The following TMEM53 variants were observed in gnomAD, a reference collection of about 807,000 sequenced individuals.
TMEM53 encodes transmembrane protein 53.
In TMEM53, 14 loss-of-function variants were observed where a neutral mutation model predicts 21.4. The ratio of observed to expected loss-of-function variants is 0.65; its 90% CI spans 0.43 to 1.02. TMEM53 has a LOEUF of 1.02. Among genes scored for constraint, TMEM53 ranks in the 50% least tolerant of loss-of-function variants. The pLI, the probability that TMEM53 is intolerant of heterozygous loss-of-function variation, is 0.00. For synonymous variants in TMEM53, 148 were observed against 157.4 expected, an observed-to-expected ratio of 0.94 and a Z score of 0.45; for missense variants, 323 against 383.6, an observed-to-expected ratio of 0.84 and a Z score of 1.32.
At chr1:44,669,710 G>A (rs1402985819) in intron 1 of TMEM53, among the ~76,000 whole-genome samples, 1 of 152,094 alleles carries the variant, frequency 6.6e-6, no homozygotes, top group East Asian at 1.9e-4. Flanking sequence ...CAGAGAAAAG[G>A]AGGCCTGCAA....
intron 1 of TMEM53, among the ~76,000 whole-genome samples, chr1:44,672,064 T>G (rs1440283749): frequency 6.6e-6 from 1 of 152,264 alleles, no homozygotes; most frequent in Non-Finnish European, 1.5e-5. Context: ...TCAGGCCATG[T>G]TGGCCTGGAG....
intron 1 of TMEM53, among the ~76,000 whole-genome samples, chr1:44,660,959 T>C (rs1644896364): frequency 6.8e-6 from 1 of 146,448 alleles, no homozygotes; most frequent in Non-Finnish European, 1.5e-5. Flanking sequence ...GGCAACAGAG[T>C]GAGACTCTGT....
chr1:44,671,801 T>C (rs954943823), intron 1 of TMEM53, among the ~76,000 whole-genome samples: 2 of 152,040 alleles, frequency 1.3e-5, no homozygotes, highest in Non-Finnish European at 2.9e-5. Flanking sequence ...TGGTGGCGGG[T>C]GCCTGTAGTC....
intron 2 of TMEM53, among the ~76,000 whole-genome samples, chr1:44,659,454 A>G (rs1453324344): frequency 6.6e-6 from 1 of 152,226 alleles, no homozygotes; most frequent in Non-Finnish European, 1.5e-5. Flanking sequence ...CTCTGCAGTT[A>G]CCACAGTCTC....
At chr1:44,657,254 T>C (rs1340684064) in intron 2 of TMEM53, among the ~76,000 whole-genome samples, 1 of 151,678 alleles carries the variant, frequency 6.6e-6, no homozygotes, top group Non-Finnish European at 1.5e-5. Flanking sequence ...AGAAACAAAA[T>C]AACTAGATGC....
At chr1:44,664,944 G>A (rs537758206) in intron 1 of TMEM53, among the ~76,000 whole-genome samples, 2 of 152,036 alleles carry the variant, frequency 1.3e-5, no homozygotes, top group East Asian at 1.9e-4. Context: ...CCACCACCGC[G>A]ACCTTGCACT....
At chr1:44,664,307 C>T (rs940894584) in intron 1 of TMEM53, among the ~76,000 whole-genome samples, 3 of 151,580 alleles carry the variant, frequency 2.0e-5, no homozygotes, top group African/African-American at 4.9e-5. Context: ...AAAAATCAGC[C>T]GGACGTGGTG....
chr1:44,654,711 T>C lies in TMEM53; in HGVS notation c.682A>G (p.Ile228Val). 1.2e-6 allele frequency: 2 copies of C among 1,614,134 alleles called. No individual in the cohort carries two copies. Among genetic ancestry groups the C allele is most frequent in the Non-Finnish European group, 1.7e-6 (2 of 1,180,024 alleles). Residue 228 changes from isoleucine (I) to valine (V), a missense_variant, in exon 3 of 3, where the codon ATA becomes GTA. Ile to Val is a conservative substitution (Grantham distance 29, BLOSUM62 3). Transcript: ENST00000372237. The surrounding 1 kb of genome is among the most constrained non-coding windows in gnomAD (Gnocchi z 7.0). The part of the protein sequence containing the change: ...RADEVVLARD[I>V]ERMVEARLAR... Reference sequence around the variant, plus strand: ...AGGCGTGCCTCCACCATGCGTTCTATGTCTCTGGCCAGGACTACTTCGTCA... The same window carrying C: ...AGGCGTGCCTCCACCATGCGTTCTACGTCTCTGGCCAGGACTACTTCGTCA...
chr1:44,659,057 C>T (rs923641521), intron 2 of TMEM53, among the ~76,000 whole-genome samples: 2 of 152,184 alleles, frequency 1.3e-5, no homozygotes, highest in Admixed American at 1.3e-4. Flanking sequence ...GAGCAGAACT[C>T]GCAGCTGAAA....
At chr1:44,673,751 A>G in intron 1 of TMEM53, 1 of 784,312 alleles carries the variant, frequency 1.3e-6, no homozygotes, top group Non-Finnish European at 1.5e-6. Context: ...ACTGAAGTTC[A>G]GAGAAGGTAG....
At position 44,674,347 on chromosome 1, in the gene TMEM53, C is replaced by T. The variant is rs2148544299; in HGVS notation, c.45G>A (p.Gln15=). 2.5e-6 allele frequency: 4 copies of T among 1,613,050 alleles called. No homozygotes were observed. Among genetic ancestry groups the T allele is most frequent in the South Asian group, 1.1e-5 (1 of 91,038 alleles). ...ELDYTIEIPD[Q]PCWSQKNSPS... ...ATTCCATACTCTGGCTCCAGCAGGG[C>T]TGATCCGGGATCTCGATGGTGTAGT... Residue 15 remains glutamine (Q), a synonymous_variant, in exon 1 of 3, where the codon CAG becomes CAA. Transcript: ENST00000372237.
Position 44,660,162 on chromosome 1 carries a change from C to A in TMEM53, c.183+12G>T. The A allele has an allele frequency of 6.2e-7, 1 of 1,612,608 alleles. No individual in the cohort carries two copies. Among genetic ancestry groups the A allele is most frequent in the Non-Finnish European group, 8.5e-7 (1 of 1,179,288 alleles). On this transcript the variant is annotated intron_variant, in intron 2 of 2. Coordinates refer to ENST00000372237, the MANE Select transcript of TMEM53 (RefSeq NM_024587.4). ...CACGGCAGCCCAGGGGAGAGGGCAC[C>A]AGAGTACTCACCCTTTTGTGGTAGA...
chr1:44,659,337 G>GC (rs1396932315), intron 2 of TMEM53, among the ~76,000 whole-genome samples: 1 of 152,188 alleles, frequency 6.6e-6, no homozygotes, highest in African/African-American at 2.4e-5. Flanking sequence ...GGGTACCCCT[G>GC]CAGGAGGCTG....
Position 44,654,900 on chromosome 1 carries a change from G to A in TMEM53, c.493C>T (p.Arg165Trp), listed in dbSNP as rs746647925. The change falls in exon 3 of 3, where the codon CGG (arginine) becomes TGG (tryptophan). Residue 165 changes from arginine to tryptophan, a missense_variant. Transcript: ENST00000372237. This position sits in a 1 kb window ranked among gnomAD's most constrained non-coding sequence, Gnocchi z 7.0. ...AGCAACAGGCGCAGCATGGCGGCCC[G>A]GCGCTCCAGGATGGCTGCCAGGGCC... ...LRALAAILER[R>W]AAMLRLLLLV... 1.9e-5 allele frequency: 31 copies of A among 1,612,364 alleles called. No homozygotes were observed. In the Middle Eastern group the frequency reaches 4.9e-4, roughly 26 times the overall value.
At chr1:44,671,759 T>G (rs182200368) in intron 1 of TMEM53, among the ~76,000 whole-genome samples, 5 of 152,270 alleles carry the variant, frequency 3.3e-5, no homozygotes, top group Admixed American at 6.5e-5. Flanking sequence ...TGAAACCTTG[T>G]CTCTACTAAA....
chr1:44,664,849 G>A (rs767386661), intron 1 of TMEM53, among the ~76,000 whole-genome samples: 2 of 152,006 alleles, frequency 1.3e-5, no homozygotes, highest in Non-Finnish European at 2.9e-5. Context: ...AACACAGAGA[G>A]GGGAAGTCCC....
intron 2 of TMEM53, among the ~76,000 whole-genome samples, chr1:44,657,147 T>C (rs906585280): frequency 1.3e-5 from 2 of 152,170 alleles, no homozygotes; most frequent in Non-Finnish European, 2.9e-5. Context: ...TGAGCTATGA[T>C]TGCACCACTG....
In TMEM53 at chr1:44,674,361, C is replaced by G. The variant is rs762136112; in HGVS notation, c.31G>C (p.Glu11Gln). MASAELDYTIEIPDQPCWSQK... is the reference protein window; with the variant it reads MASAELDYTIQIPDQPCWSQK... ...CTCCAGCAGGGCTGATCCGGGATCT[C>G]GATGGTGTAGTCCAGCTCTGCCGAG... Residue 11 changes from glutamate (E) to glutamine (Q), a missense_variant, in exon 1 of 3, where the codon GAG (glutamate) becomes CAG (glutamine). Glu to Gln is a conservative substitution (Grantham distance 29). Around this residue, in one of 3 missense-constraint regions of TMEM53, gnomAD observed 49 missense variants for 32.9 expected, o/e 1.49. Coordinates refer to ENST00000372237, the MANE Select transcript of TMEM53 (RefSeq NM_024587.4). 6.2e-7 allele frequency: 1 copy of G among 1,613,036 alleles called. No individual in the cohort carries two copies. Among genetic ancestry groups the G allele is most frequent in the Non-Finnish European group, 8.5e-7 (1 of 1,179,426 alleles).
intron 1 of TMEM53, among the ~76,000 whole-genome samples, chr1:44,671,807 T>C (rs1192264256): frequency 6.6e-6 from 1 of 152,132 alleles, no homozygotes; most frequent in Non-Finnish European, 1.5e-5. Context: ...CGGGTGCCTG[T>C]AGTCCCAGCT....
Sources: allele counts gnomAD v4.1 joint callset (sites outside exome capture counted in the v4.1 genomes callset), GRCh38; gene constraint gnomAD v4.1.1; regional missense constraint gnomAD v4.1.1; non-coding constraint Gnocchi (gnomAD v3.1); transcripts MANE v1.5; gene names NCBI Gene and HGNC (gene_info 2026-07-23, HGNC 2026-07-21).